CSMD3: variants seen among roughly 807,000 people sequenced by gnomAD.
The protein encoded by CSMD3 is CUB and sushi domain-containing protein 3.
CSMD3 carries 177 observed loss-of-function variants against 435.2 expected under a neutral mutation model. That is an observed-to-expected ratio of 0.41 (90% CI 0.36 to 0.46). The LOEUF (loss-of-function observed/expected upper bound fraction) is 0.46. Among genes scored for constraint, CSMD3 ranks in the 20% least tolerant of loss-of-function variants. The pLI, the probability that CSMD3 is intolerant of heterozygous loss-of-function variation, is 0.34. For synonymous variants in CSMD3, 1,656 were observed against 1,520.5 expected, an observed-to-expected ratio of 1.09 and a Z score of -2.07; for missense variants, 4,265 against 4,504.6, an observed-to-expected ratio of 0.95 and a Z score of 1.52.
At chr8:112,298,613 A>G (rs1473512426) in intron 53 of CSMD3, among the ~76,000 whole-genome samples, 2 of 152,152 alleles carry the variant, frequency 1.3e-5, no homozygotes, top group African/African-American at 4.8e-5. Flanking sequence ...AAGAATATGT[A>G]AAGAACTCCT....
chr8:112,423,180 C>A (rs1812701656), intron 32 of CSMD3, among the ~76,000 whole-genome samples: 1 of 151,858 alleles, frequency 6.6e-6, no homozygotes, highest in Admixed American at 6.6e-5. Context: ...ACAATATCAT[C>A]CATAACCAAA....
chr8:113,149,513 C>G (rs1303204661), intron 4 of CSMD3, among the ~76,000 whole-genome samples: 1 of 151,760 alleles, frequency 6.6e-6, no homozygotes, highest in Non-Finnish European at 1.5e-5. Flanking sequence ...TTTTGGTTTC[C>G]TTGACATGTA....
rs58811264 is a variant in CSMD3, at chr8:113,321,755, G to T, written c.179-6962C>A. Among the ~76,000 whole-genome samples the T allele has an allele frequency of 3.5e-3, 538 of 152,210 alleles. 2 individuals are homozygous for T. Among genetic ancestry groups the T allele is most frequent in the African/African-American group, 0.012 (501 of 41,552 alleles). ...TTGAGGAAACTCAGAGACAAATAGG[G>T]TTAGTATTATAATTTTGGGTAAATT... On this transcript the variant is annotated intron_variant, in intron 1 of 70. Coordinates refer to ENST00000297405, the MANE Select transcript of CSMD3 (RefSeq NM_198123.2).
chr8:113,157,579 C>G lies in CSMD3; in HGVS notation c.709+16143G>C, dbSNP rs73344361. ...TATGTGTTGTTAACACTTAAAGTTA[C>G]TTAGATTTTTCTTTCTTTAAAAAAT... On this transcript the variant is annotated intron_variant, in intron 4 of 70. Coordinates refer to ENST00000297405, the MANE Select transcript of CSMD3 (RefSeq NM_198123.2). 3.8e-3 allele frequency among the ~76,000 whole-genome samples: 578 copies of G among 152,140 alleles called. 4 individuals are homozygous for G. The highest frequency in any genetic ancestry group is 0.013 in the African/African-American group (541 of 41,538).
intron 22 of CSMD3, among the ~76,000 whole-genome samples, chr8:112,608,349 T>C (rs1485623987): frequency 6.6e-6 from 1 of 152,118 alleles, no homozygotes; most frequent in Non-Finnish European, 1.5e-5. Context: ...GACTTAATAT[T>C]GTAGAAATAC....
intron 5 of CSMD3, among the ~76,000 whole-genome samples, chr8:113,085,251 C>A (rs535712804): frequency 5.2e-5 from 5 of 96,152 alleles, no homozygotes; most frequent in African/African-American, 1.4e-4. Flanking sequence ...AAAAAAAAAC[C>A]ACCCACAAAT....
At chr8:112,626,945 C>T (rs1418811897) in intron 22 of CSMD3, among the ~76,000 whole-genome samples, 1 of 152,088 alleles carries the variant, frequency 6.6e-6, no homozygotes, top group East Asian at 1.9e-4. Context: ...GTGAAAATTG[C>T]TTAACCTCCC....
chr8:113,198,741 G>A (rs2092687046), intron 3 of CSMD3, among the ~76,000 whole-genome samples: 1 of 151,026 alleles, frequency 6.6e-6, no homozygotes. Context: ...AGTGTTAATA[G>A]TAACCTTACT....
intron 40 of CSMD3, 149 bp from the exon 41 acceptor site, chr8:112,346,362 G>A (rs1825669635): frequency 2.1e-5 from 14 of 665,054 alleles, no homozygotes; most frequent in African/African-American, 3.6e-5. Flanking sequence ...TATACACTAG[G>A]AATTAAATAT....
At chr8:112,412,065 G>C (rs1218699809) in intron 32 of CSMD3, among the ~76,000 whole-genome samples, 1 of 151,900 alleles carries the variant, frequency 6.6e-6, no homozygotes, top group Non-Finnish European at 1.5e-5. Flanking sequence ...CTTATCTACA[G>C]ATCTATCTAA....
rs190475411 is a variant in CSMD3, at chr8:112,707,720, T to C, written c.1973-17670A>G. Among the ~76,000 whole-genome samples, 23 of 152,232 alleles carry C rather than the reference T, an allele frequency of 1.5e-4. No homozygotes were observed. The East Asian group carries it at 4.3e-3, about 28-fold the overall frequency. ...CTGTGTGTCCAGGAAAAATTTATTC[T>C]CAAAAGAGAATCCTGAATCAATAAT... On this transcript the variant is annotated intron_variant, in intron 13 of 70. Coordinates refer to ENST00000297405, the MANE Select transcript of CSMD3 (RefSeq NM_198123.2).
intron 3 of CSMD3, among the ~76,000 whole-genome samples, chr8:113,182,411 T>C (rs920042092): frequency 6.6e-6 from 1 of 151,694 alleles, no homozygotes; most frequent in Non-Finnish European, 1.5e-5. Context: ...GGTTGATACA[T>C]ATAAGGAAAC....
intron 11 of CSMD3, among the ~76,000 whole-genome samples, chr8:112,830,985 C>A (rs887178138): frequency 3.3e-5 from 5 of 152,060 alleles, no homozygotes; most frequent in Middle Eastern, 3.4e-3. Context: ...GACGGGGTTT[C>A]ACCATGTTAG....
intron 13 of CSMD3, among the ~76,000 whole-genome samples, chr8:112,795,336 T>A (rs1470541985): frequency 6.6e-6 from 1 of 152,102 alleles, no homozygotes; most frequent in Non-Finnish European, 1.5e-5. Context: ...AAACTATGAA[T>A]ACAGTTAAAG....
intron 13 of CSMD3, among the ~76,000 whole-genome samples, chr8:112,702,098 T>C (rs2076401072): frequency 6.6e-6 from 1 of 152,202 alleles, no homozygotes; most frequent in Admixed American, 6.5e-5. Flanking sequence ...TTTTACTTTG[T>C]ATCCCAAGTG....
intron 32 of CSMD3, among the ~76,000 whole-genome samples, chr8:112,447,942 C>A (rs1815803500): frequency 6.6e-6 from 1 of 152,104 alleles, no homozygotes; most frequent in African/African-American, 2.4e-5. Context: ...ACCCAGCATA[C>A]CTGTGTATGT....
chr8:112,505,783 T>C (rs749861895), intron 29 of CSMD3, among the ~76,000 whole-genome samples: 17 of 152,104 alleles, frequency 1.1e-4, no homozygotes, highest in Non-Finnish European at 1.9e-4. Flanking sequence ...AGTCCTGTTG[T>C]ATAAGGAAGA....
intron 22 of CSMD3, among the ~76,000 whole-genome samples, chr8:112,598,931 GGCAGTA>G (rs1832036359): frequency 6.6e-6 from 1 of 151,326 alleles, no homozygotes; most frequent in African/African-American, 2.4e-5. Flanking sequence ...AGAAAACCTA[GGCAGTA>G]CCATTCAGGA....
chr8:112,602,000 A>G (rs1033815243), intron 22 of CSMD3, among the ~76,000 whole-genome samples: 3 of 152,202 alleles, frequency 2.0e-5, no homozygotes, highest in Non-Finnish European at 4.4e-5. Flanking sequence ...GGCAGAGGAA[A>G]AAGAGAAGCC....
Sources: gnomAD v4.1 joint callset for allele counts (sites outside exome capture counted in the v4.1 genomes callset) on GRCh38, gnomAD v4.1.1 for gene constraint, MANE v1.5 for transcripts, NCBI Gene and HGNC (gene_info 2026-07-23, HGNC 2026-07-21) for gene names.